Variants in HSCB observed in about 807,000 individuals in gnomAD.
HSCB encodes the protein iron-sulfur cluster co-chaperone protein HscB.
In HSCB, 23 loss-of-function variants were observed where a neutral mutation model predicts 31.3. The observed-to-expected ratio is 0.74, with a 90% CI of 0.53 to 1.04. HSCB has a LOEUF of 1.04. Ranked by LOEUF, HSCB falls within the 50% of genes least tolerant of loss-of-function variation. The pLI is 0.00. For synonymous variants in HSCB, 110 were observed against 104.5 expected (o/e 1.05, Z -0.32); for missense variants, 297 against 288.1 (o/e 1.03, Z -0.22).
At chr22:28,750,622 A>G (rs780129296) in intron 4 of HSCB, among the ~76,000 whole-genome samples, 1 of 152,182 alleles carries the variant, frequency 6.6e-6, no homozygotes, top group African/African-American at 2.4e-5. Flanking sequence ...TGTATTTGAC[A>G]GTGCTTCGAA....
At chr22:28,750,342 T>C (rs976163967) in intron 4 of HSCB, among the ~76,000 whole-genome samples, 3 of 151,544 alleles carry the variant, frequency 2.0e-5, no homozygotes, top group African/African-American at 4.9e-5. Context: ...TTTAGATTAA[T>C]TCCTAAATTT....
At chr22:28,749,018 G>A (rs1043455953) in intron 4 of HSCB, among the ~76,000 whole-genome samples, 5 of 152,068 alleles carry the variant, frequency 3.3e-5, no homozygotes, top group Non-Finnish European at 4.4e-5. Flanking sequence ...GCGCATGCCT[G>A]TAGTCCCTGC....
chr22:28,745,546 CAA>C (rs967916659), intron 3 of HSCB: 35 of 151,334 alleles, frequency 2.3e-4, no homozygotes, highest in South Asian at 7.0e-4. Flanking sequence ...GACTTCATCT[CAA>C]AAAAAAAAAA....
intron 1 of HSCB, chr22:28,742,595 G>A (rs938274630): frequency 1.9e-6 from 1 of 523,092 alleles, no homozygotes; most frequent in Non-Finnish European, 3.3e-6. Context: ...GAAATAGGGG[G>A]GCCGAGGCTA....
chr22:28,756,975 C>T (rs1569190882), intron 5 of HSCB, 103 bp from the exon 6 acceptor site: 3 of 742,784 alleles, frequency 4.0e-6, no homozygotes, highest in Non-Finnish European at 7.4e-6. Context: ...GATGAGCCCT[C>T]CGGACCCCAG....
At chr22:28,748,654 A>G (rs147173343) in intron 4 of HSCB, among the ~76,000 whole-genome samples, 2,006 of 152,072 alleles carry the variant, frequency 0.013, 59 homozygotes, top group African/African-American at 0.046. Flanking sequence ...CTGGGACTAC[A>G]GGTGCGTGCC....
chr22:28,754,746 T>C (rs1409116857), intron 5 of HSCB, among the ~76,000 whole-genome samples: 1 of 152,062 alleles, frequency 6.6e-6, no homozygotes, highest in Non-Finnish European at 1.5e-5. Context: ...CATTGAACTG[T>C]ACACTTAGAA....
intron 5 of HSCB, among the ~76,000 whole-genome samples, chr22:28,755,064 G>T (rs1196327136): frequency 6.7e-6 from 1 of 148,180 alleles, no homozygotes; most frequent in East Asian, 2.1e-4. Flanking sequence ...AAAGTGCTGG[G>T]ATTACAGGCG....
chr22:28,756,788 C>G (rs2030627245), intron 5 of HSCB, among the ~76,000 whole-genome samples: 1 of 152,150 alleles, frequency 6.6e-6, no homozygotes, highest in African/African-American at 2.4e-5. Flanking sequence ...GCTCCTGCAT[C>G]TAGCTTCCAC....
chr22:28,750,979 A>G (rs1207836859), intron 4 of HSCB, among the ~76,000 whole-genome samples: 1 of 48,272 alleles, frequency 2.1e-5, no homozygotes, highest in African/African-American at 8.1e-5. Context: ...TACTGATTCT[A>G]TAGCCATTTT....
rs183870828 is a variant in HSCB at position 28,755,327 on chromosome 22, G to A, written c.617-1751G>A. Among the ~76,000 whole-genome samples, 1,028 of 151,904 alleles carry A rather than the reference G, an allele frequency of 6.8e-3. 10 individuals carry two copies. The highest frequency in any genetic ancestry group is 0.022 in the African/African-American group (908 of 41,482). On this transcript the variant is annotated intron_variant, in intron 5 of 5. Transcript: ENST00000216027. ...CAGGAGGCTGAGGCAGGAGAATGGC[G>A]TGAACCGGGGAGGCAGAGTTTGCAG... is the stretch of plus-strand genomic sequence containing the variant.
chr22:28,742,399 G>A, intron 1 of HSCB, 68 bp downstream of exon 1: 2 of 1,577,956 alleles, frequency 1.3e-6, no homozygotes, highest in South Asian at 2.3e-5. Flanking sequence ...TGCGAGAGGG[G>A]AGGACGGATC....
At chr22:28,749,690 G>A (rs1009372540) in intron 4 of HSCB, among the ~76,000 whole-genome samples, 2 of 152,144 alleles carry the variant, frequency 1.3e-5, no homozygotes, top group Admixed American at 6.6e-5. Flanking sequence ...TGAGGGGACC[G>A]TCAGCTTGGA....
At chr22:28,752,938 G>T (rs1017230939) in intron 5 of HSCB, among the ~76,000 whole-genome samples, 1 of 151,652 alleles carries the variant, frequency 6.6e-6, no homozygotes, top group African/African-American at 2.4e-5. Flanking sequence ...AAGTAGCCAG[G>T]CATGGTGGCG....
At chr22:28,747,838 C>A (rs529752416) in intron 4 of HSCB, among the ~76,000 whole-genome samples, 4 of 152,090 alleles carry the variant, frequency 2.6e-5, no homozygotes, top group African/African-American at 9.6e-5. Context: ...TCAACTGTAC[C>A]CAAAATGGAA....
At chr22:28,749,475 T>C (rs2030074743) in intron 4 of HSCB, among the ~76,000 whole-genome samples, 1 of 152,206 alleles carries the variant, frequency 6.6e-6, no homozygotes, top group Non-Finnish European at 1.5e-5. Context: ...GTTATAACTT[T>C]ACTGTTCTAT....
Position 28,751,234 on chromosome 22 carries a change from T to C in HSCB, c.569-7T>C, listed in dbSNP as rs1238850744. The C allele has an allele frequency of 6.3e-7, 1 of 1,582,116 alleles. No individual in the cohort carries two copies. On this transcript the variant is annotated splice_polypyrimidine_tract_variant and splice_region_variant and intron_variant, in intron 4 of 5. Transcript: ENST00000216027. ...GGAAAAATTAACAGAATGGTTTTCT[T>C]TTTCAGCTAAACAGAAAGAATTTAC...
chr22:28,744,979 A>G (rs2054660047), intron 3 of HSCB, among the ~76,000 whole-genome samples: 1 of 151,796 alleles, frequency 6.6e-6, no homozygotes, highest in African/African-American at 2.4e-5. Context: ...GCTACTCTGG[A>G]AGCTGAAGCA....
intron 1 of HSCB, among the ~76,000 whole-genome samples, chr22:28,743,072 A>C (rs911938723): frequency 2.6e-5 from 4 of 152,202 alleles, no homozygotes; most frequent in Admixed American, 2.6e-4. Flanking sequence ...ATTCAGTCAC[A>C]CTTGTTCAAG....
Sources: gnomAD v4.1 joint callset for allele counts (sites outside exome capture counted in the v4.1 genomes callset) on GRCh38, gnomAD v4.1.1 for gene constraint, MANE v1.5 for transcripts, NCBI Gene and HGNC (gene_info 2026-07-23, HGNC 2026-07-21) for gene names.